Variants in MEIS3 observed in about 807,000 individuals in gnomAD.
MEIS3 encodes the protein Meis homeobox 3, also known as homeobox protein Meis3.
A neutral mutation model predicts 51.4 loss-of-function variants in MEIS3; 38 were observed. The ratio of observed to expected loss-of-function variants is 0.74; its 90% CI spans 0.57 to 0.97. The LOEUF is 0.97. Ranked by LOEUF, MEIS3 falls within the 50% of genes least tolerant of loss-of-function variation. The probability of loss-of-function intolerance (pLI) is 0.00; values close to 1 mark genes in which losing one functional copy is unlikely to be tolerated. For synonymous variants in MEIS3, 198 were observed against 201.8 expected (o/e 0.98, Z 0.16); for missense variants, 456 against 502.6 (o/e 0.91, Z 0.89).
Position 47,416,966 on chromosome 19 carries a change from G to A in MEIS3, c.186-3C>T. The A allele has an allele frequency of 6.4e-7, 1 of 1,574,134 alleles. No individual in the cohort carries two copies. Among genetic ancestry groups the A allele is most frequent in the Non-Finnish European group, 8.6e-7 (1 of 1,159,658 alleles). On this transcript the variant is annotated splice_polypyrimidine_tract_variant and splice_region_variant and intron_variant, in intron 2 of 12. Transcript: ENST00000558555. ...CCAAGAGGGGGAAGAGCGGGTGTCT[G>A]GGGAGGCAGGAAAGGAGAGAGGTTG... is the stretch of plus-strand genomic sequence containing the variant.
intron 1 of MEIS3, chr19:47,418,024 C>CATA: frequency 2.7e-6 from 1 of 375,184 alleles, no homozygotes; most frequent in Non-Finnish European, 4.8e-6. Flanking sequence ...ATGAATGAGG[C>CATA]ATTTAGCACA....
chr19:47,416,547 A>G (rs1280950351), intron 4 of MEIS3, 105 bp downstream of exon 4: 1 of 885,776 alleles, frequency 1.1e-6, no homozygotes, highest in Non-Finnish European at 1.7e-6. Flanking sequence ...GGGGACATGG[A>G]CCAGGTGGCC....
intron 8 of MEIS3, among the ~76,000 whole-genome samples, chr19:47,408,137 C>CT (rs1568421126): frequency 6.6e-6 from 1 of 151,546 alleles, no homozygotes; most frequent in African/African-American, 2.4e-5. Flanking sequence ...CTCTTTCTCT[C>CT]TTTTTTTTAA....
At chr19:47,406,425 G>A in intron 12 of MEIS3, 35 bp downstream of exon 12, 3 of 1,581,998 alleles carry the variant, frequency 1.9e-6, no homozygotes, top group Non-Finnish European at 1.7e-6. Flanking sequence ...GGAGGTTTGA[G>A]AATTGCACAA....
At chr19:47,417,848 C>T (rs1247090590) in intron 1 of MEIS3, 1 of 610,374 alleles carries the variant, frequency 1.6e-6, no homozygotes, top group Non-Finnish European at 2.9e-6. Context: ...CGTGAATCTA[C>T]CACACATGTA....
At chr19:47,417,677 A>G in intron 1 of MEIS3, 1 of 702,698 alleles carries the variant, frequency 1.4e-6, no homozygotes, top group Non-Finnish European at 2.6e-6. Context: ...ACAGAGAGAG[A>G]GACAGACAGA....
rs140643747 is a variant in MEIS3 at position 47,416,947 on chromosome 19, G to C, written c.202C>G (p.Leu68Val). The change falls in exon 3 of 13, where the codon CTC (leucine) becomes GTC (valine). Residue 68 changes from leucine to valine, a missense_variant. Physicochemically the swap from Leu to Val is conservative, Grantham distance 32. Transcript: ENST00000558555. The part of the protein sequence containing the change: ...DEIYGHPLFP[L>V]LALVFEKCEL... ...CATTTCTCAAAGACCAGGGCCAAGA[G>C]GGGGAAGAGCGGGTGTCTGGGGAGG... 14 of 1,594,022 alleles carry C rather than the reference G, an allele frequency of 8.8e-6. No individual in the cohort carries two copies. The highest frequency in any genetic ancestry group is 4.6e-5 in the East Asian group (2 of 43,896).
At chr19:47,417,958 A>C in intron 1 of MEIS3, 2 of 511,338 alleles carry the variant, frequency 3.9e-6, no homozygotes, top group Non-Finnish European at 6.9e-6. Flanking sequence ...CACACAGCCC[A>C]ACACCAGGCA....
chr19:47,421,353 A>G (rs1303579910), upstream of MEIS3, among the ~76,000 whole-genome samples: 1 of 152,052 alleles, frequency 6.6e-6, no homozygotes, highest in Non-Finnish European at 1.5e-5. Context: ...CAGTGCCCCA[A>G]CCTGAGCACC....
upstream of MEIS3, among the ~76,000 whole-genome samples, chr19:47,422,050 C>T (rs528560678): frequency 1.3e-5 from 2 of 152,012 alleles, no homozygotes; most frequent in East Asian, 1.9e-4. Flanking sequence ...TTGGTGGGGG[C>T]GCCCACCCCT....
At chr19:47,420,529 GAGAGAGAC>G (rs202243965), upstream of MEIS3, among the ~76,000 whole-genome samples, 772 of 145,254 alleles carry the variant, frequency 5.3e-3, 8 homozygotes, top group Middle Eastern at 0.035. Context: ...TTCAGAGAGA[GAGAGAGAC>G]AGAGACAGAC....
chr19:47,410,549 A>G (rs1055722782), intron 6 of MEIS3, among the ~76,000 whole-genome samples: 6 of 151,574 alleles, frequency 4.0e-5, no homozygotes, highest in Non-Finnish European at 7.4e-5. Context: ...GGTAGATCAC[A>G]AGGTCAGGAG....
intron 1 of MEIS3, 110 bp downstream of exon 1, chr19:47,418,960 G>T (rs1017335853): frequency 4.8e-6 from 3 of 623,954 alleles, no homozygotes; most frequent in Admixed American, 4.4e-5. Context: ...AGAGAGCGAG[G>T]TGGTGTAGAG....
intron 2 of MEIS3, 72 bp downstream of exon 2, chr19:47,417,106 G>A: frequency 6.5e-7 from 1 of 1,541,086 alleles, no homozygotes; most frequent in South Asian, 1.3e-5. Flanking sequence ...AGAGACAGAA[G>A]CAGACCCAGG....
intron 8 of MEIS3, among the ~76,000 whole-genome samples, chr19:47,408,194 A>C (rs989199802): frequency 2.7e-5 from 4 of 149,916 alleles, no homozygotes; most frequent in South Asian, 4.2e-4. Context: ...TGGCGCCTTC[A>C]TGGCTCACTG....
intron 12 of MEIS3, among the ~76,000 whole-genome samples, chr19:47,404,312 A>G (rs1393013105): frequency 6.6e-6 from 1 of 152,018 alleles, no homozygotes; most frequent in Non-Finnish European, 1.5e-5. Flanking sequence ...CTTGGCCATG[A>G]AAGAGCTGAG....
chr19:47,403,281 G>A lies in MEIS3; in HGVS notation c.*290C>T, dbSNP rs1001983247. The A allele has an allele frequency of 2.7e-6, 1 of 370,628 alleles. No homozygotes were observed. Among genetic ancestry groups the A allele is most frequent in the Admixed American group, 3.5e-5 (1 of 28,720 alleles). 23.0% of individuals were successfully genotyped at this position (370,628 alleles called of 1,614,324 possible). ...CCCGTCCCTTCTCTGTCCTGGCGGC[G>A]AGGCCCTAGCCGCCATCTTCTGGGG... On this transcript the variant is annotated 3_prime_UTR_variant, in exon 13 of 13. Coordinates refer to ENST00000558555, the MANE Select transcript of MEIS3 (RefSeq NM_001301059.2).
Position 47,417,231 on chromosome 19 carries a change from C to T in MEIS3, c.132G>A (p.Leu44=), listed in dbSNP as rs1971477454. Residue 44 remains leucine, a synonymous_variant, in exon 2 of 13, where the codon CTG becomes CTA. Coordinates refer to ENST00000558555, the MANE Select transcript of MEIS3 (RefSeq NM_001301059.2). ...GGCCGTCGCTGTCCAAGCCTGGGGG[C>T]AGGGGCTGGGGAGGCCGGTGCGGGC... ...PYGPHRPPQP[L]PPGLDSDGLK... 6.3e-7 allele frequency: 1 copy of T among 1,593,558 alleles called. No individual in the cohort carries two copies. Among genetic ancestry groups the T allele is most frequent in the Non-Finnish European group, 8.5e-7 (1 of 1,171,304 alleles).
intron 6 of MEIS3, among the ~76,000 whole-genome samples, chr19:47,413,631 T>C (rs1304969494): frequency 6.6e-6 from 1 of 152,098 alleles, no homozygotes; most frequent in East Asian, 1.9e-4. Flanking sequence ...ACGGCTGTGC[T>C]GTGTGTGTTT....
Sources: gnomAD v4.1 joint callset for allele counts (sites outside exome capture counted in the v4.1 genomes callset) on GRCh38, gnomAD v4.1.1 for gene constraint, MANE v1.5 for transcripts, NCBI Gene and HGNC (gene_info 2026-07-23, HGNC 2026-07-21) for gene names.